CADPS2: variants seen among roughly 807,000 people sequenced by gnomAD.
CADPS2 encodes the protein calcium-dependent secretion activator 2.
CADPS2 carries 93 observed loss-of-function variants against 172.5 expected under a neutral mutation model. That is an observed-to-expected ratio of 0.54 (90% confidence interval 0.46 to 0.64). The LOEUF (loss-of-function observed/expected upper bound fraction) is 0.64, where lower values mean the gene tolerates loss of function less well. Among genes scored for constraint, CADPS2 ranks in the 30% least tolerant of loss-of-function variants. CADPS2 has a pLI of 0.00. For missense variants in CADPS2, 1,420 were observed against 1,565.9 expected (o/e 0.91, Z 1.57); for synonymous variants, 546 against 555.2 (o/e 0.98, Z 0.23).
chr7:122,470,007 A>AT (rs1449505465), intron 14 of CADPS2, among the ~76,000 whole-genome samples: 1 of 152,190 alleles, frequency 6.6e-6, no homozygotes, highest in African/African-American at 2.4e-5. Flanking sequence ...GAATAAACAG[A>AT]TTTTTTGCGG....
chr7:122,592,709 C>T (rs916466116), intron 6 of CADPS2, among the ~76,000 whole-genome samples: 1 of 151,904 alleles, frequency 6.6e-6, no homozygotes, highest in African/African-American at 2.4e-5. Context: ...AAGGTGGAAA[C>T]CATCATTCTG....
At chr7:122,660,477 A>G (rs902077188) in intron 3 of CADPS2, among the ~76,000 whole-genome samples, 3 of 152,194 alleles carry the variant, frequency 2.0e-5, no homozygotes, top group African/African-American at 7.2e-5. Context: ...AGGGGAGGGC[A>G]AAGAACAAAT....
At chr7:122,733,031 G>A (rs1042908049) in intron 2 of CADPS2, among the ~76,000 whole-genome samples, 16 of 150,864 alleles carry the variant, frequency 1.1e-4, no homozygotes, top group African/African-American at 3.9e-4. Flanking sequence ...GACAACAGCT[G>A]CATACAGCAA....
intron 1 of CADPS2, among the ~76,000 whole-genome samples, chr7:122,813,164 C>G (rs16870873): frequency 0.2 from 30,159 of 151,936 alleles, 3,113 homozygotes; most frequent in Middle Eastern, 0.3. Flanking sequence ...CTAGAGAAAA[C>G]TGCAAGCTAA....
intron 2 of CADPS2, among the ~76,000 whole-genome samples, chr7:122,699,429 C>T (rs545666098): frequency 2.0e-5 from 3 of 151,968 alleles, no homozygotes; most frequent in Non-Finnish European, 4.4e-5. Flanking sequence ...ATATTTCCAA[C>T]AAAATGGCAA....
intron 17 of CADPS2, among the ~76,000 whole-genome samples, chr7:122,432,655 A>G (rs978000020): frequency 3.3e-5 from 5 of 150,770 alleles, no homozygotes; most frequent in African/African-American, 7.3e-5. Flanking sequence ...AAAAAAAAAA[A>G]AAAAAAGAAA....
At chr7:122,583,444 T>A (rs1469073761) in intron 6 of CADPS2, among the ~76,000 whole-genome samples, 2 of 151,908 alleles carry the variant, frequency 1.3e-5, no homozygotes, top group Non-Finnish European at 2.9e-5. Context: ...TATCACTCCC[T>A]TGAATTTCTT....
chr7:122,819,819 T>C (rs1802612440), intron 1 of CADPS2, among the ~76,000 whole-genome samples: 2 of 152,018 alleles, frequency 1.3e-5, no homozygotes, highest in Non-Finnish European at 2.9e-5. Context: ...AATTCACAAG[T>C]ATAAGATACC....
chr7:122,845,698 A>C (rs576563733), intron 1 of CADPS2, among the ~76,000 whole-genome samples: 1 of 152,296 alleles, frequency 6.6e-6, no homozygotes, highest in African/African-American at 2.4e-5. Context: ...CACAGGGGAG[A>C]GTCTTCAACT....
At chr7:122,540,979 T>C (rs536914499) in intron 8 of CADPS2, among the ~76,000 whole-genome samples, 4 of 151,918 alleles carry the variant, frequency 2.6e-5, no homozygotes, top group African/African-American at 4.8e-5. Context: ...TATAAATACA[T>C]AGAGAGTACT....
At chr7:122,874,591 AG>A (rs1820714950) in intron 1 of CADPS2, among the ~76,000 whole-genome samples, 1 of 152,210 alleles carries the variant, frequency 6.6e-6, no homozygotes, top group Non-Finnish European at 1.5e-5. Context: ...ATAAGCAAAA[AG>A]AACAAAGTTG....
intron 14 of CADPS2, among the ~76,000 whole-genome samples, chr7:122,468,552 C>T (rs1279970184): frequency 2.0e-5 from 3 of 152,034 alleles, no homozygotes. Context: ...GGTTAAATGG[C>T]AAAGAAAAAT....
At chr7:122,663,214 G>A in intron 3 of CADPS2, 23 bp downstream of exon 3, 1 of 1,532,288 alleles carries the variant, frequency 6.5e-7, no homozygotes, top group South Asian at 1.2e-5. Context: ...ACAGGGGAAG[G>A]GAAAATATCA....
At chr7:122,527,471 G>A (rs1352067717) in intron 8 of CADPS2, among the ~76,000 whole-genome samples, 1 of 150,374 alleles carries the variant, frequency 6.7e-6, no homozygotes, top group Non-Finnish European at 1.5e-5. Context: ...TCTCTGAGGA[G>A]ACCAAGTAAT....
chr7:122,839,695 G>A (rs1185979785), intron 1 of CADPS2, among the ~76,000 whole-genome samples: 12 of 152,132 alleles, frequency 7.9e-5, no homozygotes, highest in African/African-American at 2.7e-4. Flanking sequence ...ATCACCACTG[G>A]TCATCAGAGA....
intron 7 of CADPS2, among the ~76,000 whole-genome samples, chr7:122,574,142 A>G (rs191304399): frequency 1.3e-5 from 2 of 151,078 alleles, no homozygotes; most frequent in South Asian, 4.2e-4. Context: ...CTCATGTTTT[A>G]AAAAAAAATG....
intron 2 of CADPS2, among the ~76,000 whole-genome samples, chr7:122,666,990 T>C (rs965199755): frequency 1.3e-5 from 2 of 152,190 alleles, no homozygotes; most frequent in Non-Finnish European, 1.5e-5. Context: ...AGGGGGTGCC[T>C]CTTTGGGTAC....
At chr7:122,791,021 G>T (rs540310885) in intron 1 of CADPS2, among the ~76,000 whole-genome samples, 1 of 152,176 alleles carries the variant, frequency 6.6e-6, no homozygotes, top group Non-Finnish European at 1.5e-5. Context: ...TGCCCATAGA[G>T]TATGCACAGG....
intron 11 of CADPS2, among the ~76,000 whole-genome samples, chr7:122,484,580 G>A (rs144976340): frequency 1.0e-3 from 152 of 151,882 alleles, no homozygotes; most frequent in African/African-American, 2.8e-3. Context: ...TGCAATTTGG[G>A]TTAGGCAAAG....
Sources: gnomAD v4.1 joint callset for allele counts (sites outside exome capture counted in the v4.1 genomes callset) on GRCh38, gnomAD v4.1.1 for gene constraint, MANE v1.5 for transcripts, NCBI Gene and HGNC (gene_info 2026-07-23, HGNC 2026-07-21) for gene names.